CAP2: variants seen among roughly 807,000 people sequenced by gnomAD.
CAP2 encodes cyclase associated actin cytoskeleton regulatory protein 2, also known as adenylyl cyclase-associated protein 2.
A neutral mutation model predicts 57.7 loss-of-function variants in CAP2; 24 were observed. The observed-to-expected ratio is 0.42, with a 90% CI of 0.30 to 0.58. The LOEUF (loss-of-function observed/expected upper bound fraction) is 0.58, where lower values mean the gene tolerates loss of function less well. Among genes scored for constraint, CAP2 ranks in the 20% least tolerant of loss-of-function variants. The pLI, the probability that CAP2 is intolerant of heterozygous loss-of-function variation, is 0.22. For synonymous variants in CAP2, 194 were observed against 207.2 expected (o/e 0.94, Z 0.55); for missense variants, 501 against 590.3 (o/e 0.85, Z 1.57).
At chr6:17,490,659 C>G (rs1392989251) in intron 4 of CAP2, among the ~76,000 whole-genome samples, 1 of 152,126 alleles carries the variant, frequency 6.6e-6, no homozygotes, top group Non-Finnish European at 1.5e-5. Context: ...GGTTGTAGTC[C>G]TAAGATTCTG....
intron 4 of CAP2, among the ~76,000 whole-genome samples, chr6:17,463,335 C>T (rs1252220441): frequency 1.3e-5 from 2 of 150,944 alleles, no homozygotes; most frequent in African/African-American, 2.4e-5. Flanking sequence ...TGTCTTCTTA[C>T]TACTAATATA....
intron 7 of CAP2, among the ~76,000 whole-genome samples, chr6:17,529,353 ACACT>A (rs1762583193): frequency 1.3e-5 from 2 of 151,852 alleles, no homozygotes; most frequent in Non-Finnish European, 2.9e-5. Context: ...AAATATAAAC[ACACT>A]CTGTCTGGGC....
At chr6:17,433,859 A>G (rs893032205) in intron 3 of CAP2, among the ~76,000 whole-genome samples, 1 of 152,182 alleles carries the variant, frequency 6.6e-6, no homozygotes, top group African/African-American at 2.4e-5. Flanking sequence ...TTTTTTACTT[A>G]AAGTTTGTTT....
At chr6:17,534,990 G>A (rs1762738060) in intron 7 of CAP2, among the ~76,000 whole-genome samples, 1 of 152,056 alleles carries the variant, frequency 6.6e-6, no homozygotes, top group South Asian at 2.1e-4. Flanking sequence ...CTAGAAGCAG[G>A]GCACAGAGTC....
chr6:17,398,763 A>ATTTT (rs1448434010), intron 1 of CAP2, among the ~76,000 whole-genome samples: 1 of 152,066 alleles, frequency 6.6e-6, no homozygotes, highest in African/African-American at 2.4e-5. Context: ...TGACCTCATG[A>ATTTT]TCTGCCCACC....
At chr6:17,471,607 C>A (rs1054559448) in intron 4 of CAP2, among the ~76,000 whole-genome samples, 3 of 152,044 alleles carry the variant, frequency 2.0e-5, no homozygotes, top group African/African-American at 4.8e-5. Context: ...CCGAGGCGGG[C>A]GGATCGCGAG....
At chr6:17,411,912 C>T (rs890467691) in intron 1 of CAP2, among the ~76,000 whole-genome samples, 5 of 152,158 alleles carry the variant, frequency 3.3e-5, no homozygotes, top group African/African-American at 2.4e-5. Flanking sequence ...GCTTCCTCAA[C>T]TGCATAGGTG....
intron 11 of CAP2, among the ~76,000 whole-genome samples, chr6:17,550,394 CTTTTTTTTTTT>C (rs10557884): frequency 2.1e-4 from 11 of 52,046 alleles, no homozygotes; most frequent in African/African-American, 8.6e-4. Flanking sequence ...CTACCCCTGC[CTTTTTTTTTTT>C]TTTTTTTTTT....
At chr6:17,539,197 A>G in intron 7 of CAP2, 72 bp from the exon 8 acceptor site, 1 of 1,442,762 alleles carries the variant, frequency 6.9e-7, no homozygotes, top group Non-Finnish European at 9.4e-7. Flanking sequence ...GCAGGTTTCG[A>G]CTCTCTCGGG....
In CAP2 at chr6:17,543,061, A is replaced by G; in HGVS notation, c.1127A>G (p.Asp376Gly). 6.2e-7 allele frequency: 1 copy of G among 1,613,920 alleles called. No individual in the cohort carries two copies. The highest frequency in any genetic ancestry group is 8.5e-7 in the Non-Finnish European group (1 of 1,179,780). The stretch of plus-strand genomic sequence containing the variant: ...TTTGTTGTGTTTTTTCTCCCCACAG[A>G]CAACTGTAAAAAACTCGGCCTGGTG... The part of the protein sequence containing the change: ...IKGKVNSIII[D>G]NCKKLGLVFD... The change falls in exon 11 of 13, where the codon GAC becomes GGC. Residue 376 changes from aspartate (D) to glycine (G), a missense_variant and splice_region_variant. Physicochemically the swap from Asp to Gly is moderately conservative, Grantham distance 94. Coordinates refer to ENST00000229922, the MANE Select transcript of CAP2 (RefSeq NM_006366.3).
At chr6:17,421,463 C>T in intron 1 of CAP2, 92 bp from the exon 2 acceptor site, 1 of 1,256,528 alleles carries the variant, frequency 8.0e-7, no homozygotes. Context: ...GTGATTGTGT[C>T]TTCCTCCTCG....
chr6:17,486,714 G>C (rs1761428593), intron 4 of CAP2, among the ~76,000 whole-genome samples: 1 of 152,198 alleles, frequency 6.6e-6, no homozygotes, highest in Non-Finnish European at 1.5e-5. Flanking sequence ...CCATTGATTA[G>C]ATGTTTAAAG....
chr6:17,482,246 G>T (rs1761306889), intron 4 of CAP2, among the ~76,000 whole-genome samples: 1 of 152,170 alleles, frequency 6.6e-6, no homozygotes, highest in African/African-American at 2.4e-5. Context: ...CAAGGCGTAG[G>T]CTGGGCGCGG....
At chr6:17,426,520 C>G (rs751356122) in intron 2 of CAP2, 70 bp from the exon 3 acceptor site, 1 of 1,106,376 alleles carries the variant, frequency 9.0e-7, no homozygotes, top group Non-Finnish European at 1.4e-6. Context: ...CAGGTGTGAG[C>G]CACCGTGCCC....
At chr6:17,537,597 A>T (rs11754910) in intron 7 of CAP2, among the ~76,000 whole-genome samples, 1,928 of 151,184 alleles carry the variant, frequency 0.013, 18 homozygotes, top group Non-Finnish European at 0.017. Flanking sequence ...GACAATAAGG[A>T]TATTCTGTTT....
rs1763327123 is a variant in CAP2, at chr6:17,556,941, C to CT, written c.*500dup. ...ATGTTCACCTTTATCAGCGTGGATA[C>CT]TGTCAGCATGAGTACATATTTCAAC... On this transcript the variant is annotated 3_prime_UTR_variant, in exon 13 of 13. Transcript: ENST00000229922. 1 of 156,184 alleles carries CT rather than the reference C, an allele frequency of 6.4e-6. No homozygotes were observed. Among genetic ancestry groups the CT allele is most frequent in the Non-Finnish European group, 1.4e-5 (1 of 70,772 alleles). 9.7% of individuals were successfully genotyped at this position (156,184 alleles called of 1,614,324 possible).
intron 2 of CAP2, among the ~76,000 whole-genome samples, chr6:17,423,477 C>T (rs1759498761): frequency 6.6e-6 from 1 of 152,246 alleles, no homozygotes; most frequent in East Asian, 1.9e-4. Context: ...TTCACCCTCT[C>T]TTCAGTAACT....
intron 3 of CAP2, among the ~76,000 whole-genome samples, chr6:17,458,093 A>G (rs1272441965): frequency 6.6e-6 from 1 of 152,202 alleles, no homozygotes; most frequent in African/African-American, 2.4e-5. Context: ...GAGACCGACA[A>G]AAGTCCTTCT....
chr6:17,436,455 G>A (rs576753592), intron 3 of CAP2, among the ~76,000 whole-genome samples: 13 of 152,124 alleles, frequency 8.5e-5, no homozygotes, highest in African/African-American at 3.1e-4. Flanking sequence ...TTTGAGGAGA[G>A]TTTAATAAAG....
Sources: allele counts gnomAD v4.1 joint callset (sites outside exome capture counted in the v4.1 genomes callset), GRCh38; gene constraint gnomAD v4.1.1; transcripts MANE v1.5; gene names NCBI Gene and HGNC (gene_info 2026-07-23, HGNC 2026-07-21).